PLCXD3: variants seen among roughly 807,000 people sequenced by gnomAD.
PLCXD3 encodes the protein PI-PLC X domain-containing protein 3.
A neutral mutation model predicts 25.5 loss-of-function variants in PLCXD3; 19 were observed. The ratio of observed to expected loss-of-function variants is 0.75; its 90% confidence interval spans 0.52 to 1.09. PLCXD3 has a LOEUF of 1.09. Ranked by LOEUF, PLCXD3 falls within the 50% of genes least tolerant of loss-of-function variation. The probability of loss-of-function intolerance (pLI) is 0.00; values close to 1 mark genes in which losing one functional copy is unlikely to be tolerated. For missense variants in PLCXD3, 411 were observed against 388.1 expected, an observed-to-expected ratio of 1.06 and a Z score of -0.50; for synonymous variants, 174 against 137.6, an observed-to-expected ratio of 1.26 and a Z score of -1.85.
chr5:41,325,277 A>G (rs1170631224), intron 2 of PLCXD3, among the ~76,000 whole-genome samples: 1 of 152,202 alleles, frequency 6.6e-6, no homozygotes, highest in African/African-American at 2.4e-5. Flanking sequence ...CCTAAAGTCA[A>G]TATGATACCA....
At chr5:41,485,110 T>C (rs1450139967) in intron 1 of PLCXD3, among the ~76,000 whole-genome samples, 3 of 152,168 alleles carry the variant, frequency 2.0e-5, no homozygotes, top group Non-Finnish European at 4.4e-5. Flanking sequence ...CCTAAATGTT[T>C]CACACCAATT....
At chr5:41,323,848 C>T (rs1580299260) in intron 2 of PLCXD3, among the ~76,000 whole-genome samples, 1 of 152,136 alleles carries the variant, frequency 6.6e-6, no homozygotes, top group African/African-American at 2.4e-5. Context: ...TATTCTGGCA[C>T]GTGGACATCA....
intron 1 of PLCXD3, among the ~76,000 whole-genome samples, chr5:41,433,925 A>G (rs1013402423): frequency 2.0e-5 from 3 of 152,178 alleles, no homozygotes; most frequent in Admixed American, 6.5e-5. Context: ...TACAGGTGGG[A>G]AGGGAAAAAG....
At chr5:41,379,933 T>G (rs1745406190) in intron 2 of PLCXD3, among the ~76,000 whole-genome samples, 1 of 152,062 alleles carries the variant, frequency 6.6e-6, no homozygotes, top group Admixed American at 6.6e-5. Flanking sequence ...GAGTATACAA[T>G]GAATGGTTGG....
intron 1 of PLCXD3, among the ~76,000 whole-genome samples, chr5:41,411,959 CAT>C (rs368057433): frequency 6.4e-5 from 1 of 15,580 alleles, no homozygotes; most frequent in Non-Finnish European, 2.1e-4. Flanking sequence ...TATATGTATC[CAT>C]ATATATATAT....
chr5:41,490,960 T>C (rs572528387), intron 1 of PLCXD3, among the ~76,000 whole-genome samples: 2 of 152,286 alleles, frequency 1.3e-5, no homozygotes, highest in Admixed American at 1.3e-4. Context: ...TTTTAGTTAT[T>C]TCTTGCCTTC....
intron 2 of PLCXD3, among the ~76,000 whole-genome samples, chr5:41,314,901 C>T (rs1743244381): frequency 6.6e-6 from 1 of 152,098 alleles, no homozygotes; most frequent in Admixed American, 6.5e-5. Context: ...TGGAGAGTCA[C>T]TTAGCATAGC....
chr5:41,391,151 A>C (rs540971097), intron 1 of PLCXD3, among the ~76,000 whole-genome samples: 1 of 152,322 alleles, frequency 6.6e-6, no homozygotes, highest in African/African-American at 2.4e-5. Context: ...TAAGGACTGC[A>C]ATTCAGGCAA....
chr5:41,493,592 T>C (rs1013220475), intron 1 of PLCXD3, among the ~76,000 whole-genome samples: 1 of 152,224 alleles, frequency 6.6e-6, no homozygotes, highest in African/African-American at 2.4e-5. Flanking sequence ...TCCACCCAGT[T>C]CGAGCTTTCT....
At chr5:41,373,046 A>G (rs1745173654) in intron 2 of PLCXD3, among the ~76,000 whole-genome samples, 1 of 152,084 alleles carries the variant, frequency 6.6e-6, no homozygotes, top group Non-Finnish European at 1.5e-5. Context: ...AAAACAAAAC[A>G]AAACAAAAAA....
intron 1 of PLCXD3, among the ~76,000 whole-genome samples, chr5:41,497,243 A>G (rs1477580622): frequency 1.3e-5 from 2 of 151,926 alleles, no homozygotes; most frequent in Non-Finnish European, 3.0e-5. Flanking sequence ...AAATGTAATT[A>G]AATAGCAAGA....
intron 1 of PLCXD3, among the ~76,000 whole-genome samples, chr5:41,449,299 TGACTAAAC>T (rs1001411385): frequency 1.3e-5 from 2 of 152,208 alleles, no homozygotes; most frequent in African/African-American, 4.8e-5. Flanking sequence ...TTTTAATGAA[TGACTAAAC>T]AAGATTGATT....
intron 1 of PLCXD3, among the ~76,000 whole-genome samples, chr5:41,408,072 C>T (rs1208174450): frequency 6.6e-6 from 1 of 152,130 alleles, no homozygotes; most frequent in African/African-American, 2.4e-5. Context: ...GACAACGAAT[C>T]ATTTAACAGC....
intron 1 of PLCXD3, among the ~76,000 whole-genome samples, chr5:41,439,871 T>C (rs182337110): frequency 6.6e-4 from 101 of 152,344 alleles, no homozygotes; most frequent in South Asian, 2.7e-3. Flanking sequence ...AAATGAACTA[T>C]ATTCAACTGT....
At chr5:41,409,691 C>A (rs1297215851) in intron 1 of PLCXD3, among the ~76,000 whole-genome samples, 1 of 152,096 alleles carries the variant, frequency 6.6e-6, no homozygotes, top group African/African-American at 2.4e-5. Context: ...CTGTCTTGTT[C>A]GCTATTGTGC....
At position 41,307,857 on chromosome 5, in the gene PLCXD3, G is replaced by C. The variant is rs1290158820; in HGVS notation, c.*5760C>G. On this transcript the variant is annotated 3_prime_UTR_variant, in exon 3 of 3. Transcript: ENST00000377801. ...AGAGGTCCTGGTACTGAGTTAGGCG[G>C]TGTTGCCACTTTTCAGGAGCATTTC... The C allele has an allele frequency of 6.6e-6, 1 of 152,128 alleles. No individual in the cohort carries two copies. Among genetic ancestry groups the C allele is most frequent in the Non-Finnish European group, 1.5e-5 (1 of 68,014 alleles). 9.4% of individuals were successfully genotyped at this position (152,128 alleles called of 1,614,324 possible).
chr5:41,434,232 C>G (rs1050057722), intron 1 of PLCXD3, among the ~76,000 whole-genome samples: 6 of 152,190 alleles, frequency 3.9e-5, no homozygotes, highest in Admixed American at 3.9e-4. Flanking sequence ...CTGGGTTTGA[C>G]TTCTGCGTGT....
At position 41,357,396 on chromosome 5, in the gene PLCXD3, G is replaced by C. The variant is rs966694470; in HGVS notation, c.812+24430C>G. Among the ~76,000 whole-genome samples the C allele has an allele frequency of 4.6e-5, 7 of 152,158 alleles. No homozygotes were observed. The East Asian group carries it at 9.6e-4, about 21-fold the overall frequency. ...CCAATTATAAATTTGTTGGATATTA[G>C]TTCTCACTTCTTAGATCATGTAAGA... is the stretch of plus-strand genomic sequence containing the variant. On this transcript the variant is annotated intron_variant, in intron 2 of 2. Transcript: ENST00000377801.
intron 2 of PLCXD3, among the ~76,000 whole-genome samples, chr5:41,370,137 G>T (rs977741840): frequency 6.6e-6 from 1 of 152,188 alleles, no homozygotes; most frequent in African/African-American, 2.4e-5. Context: ...TAAAGGAAAA[G>T]TTCAAGATAC....
Sources: allele counts gnomAD v4.1 joint callset (sites outside exome capture counted in the v4.1 genomes callset), GRCh38; gene constraint gnomAD v4.1.1; transcripts MANE v1.5; gene names NCBI Gene and HGNC (gene_info 2026-07-23, HGNC 2026-07-21).